The following TPST1 variants were observed in gnomAD, a reference collection of about 807,000 sequenced individuals.
TPST1 encodes protein-tyrosine sulfotransferase 1.
TPST1 carries 20 observed loss-of-function variants against 34.8 expected under a neutral mutation model. That is an observed-to-expected ratio of 0.57 (90% CI 0.40 to 0.84). The LOEUF is 0.84. Among genes scored for constraint, TPST1 ranks in the 40% least tolerant of loss-of-function variants. The pLI is 0.00. For synonymous variants in TPST1, 152 were observed against 159.4 expected, an observed-to-expected ratio of 0.95 and a Z score of 0.35; for missense variants, 353 against 455.5, an observed-to-expected ratio of 0.78 and a Z score of 2.05.
chr7:66,293,520 T>A (rs1192998793), intron 3 of TPST1, among the ~76,000 whole-genome samples: 1 of 152,092 alleles, frequency 6.6e-6, no homozygotes, highest in Non-Finnish European at 1.5e-5. Context: ...GAAAAAAGAA[T>A]GAAGAAAAAT....
intron 3 of TPST1, among the ~76,000 whole-genome samples, chr7:66,334,107 T>G (rs1301585996): frequency 6.6e-6 from 1 of 152,034 alleles, no homozygotes; most frequent in Non-Finnish European, 1.5e-5. Context: ...TATTACAAAT[T>G]AGGGGAAACG....
intron 2 of TPST1, among the ~76,000 whole-genome samples, chr7:66,277,807 A>G (rs1453273848): frequency 6.6e-6 from 1 of 152,140 alleles, no homozygotes; most frequent in African/African-American, 2.4e-5. Flanking sequence ...GACTGAGAAT[A>G]GACCATAGAA....
At chr7:66,242,011 C>T (rs1045988122) in intron 2 of TPST1, among the ~76,000 whole-genome samples, 1 of 152,284 alleles carries the variant, frequency 6.6e-6, no homozygotes, top group African/African-American at 2.4e-5. Context: ...CTAATCCATA[C>T]AAGAAGTTCC....
At chr7:66,350,386 T>C (rs1326550619) in intron 3 of TPST1, among the ~76,000 whole-genome samples, 2 of 152,166 alleles carry the variant, frequency 1.3e-5, no homozygotes, top group African/African-American at 2.4e-5. Context: ...GGGGAGATGA[T>C]GGTAGCTTTG....
intron 2 of TPST1, among the ~76,000 whole-genome samples, chr7:66,252,352 C>T (rs953188886): frequency 7.3e-6 from 1 of 136,366 alleles, no homozygotes; most frequent in African/African-American, 2.8e-5. Flanking sequence ...GCCACCGCGC[C>T]CAGCCTTTTT....
chr7:66,234,420 CACACACACACAG>C (rs1044499831), intron 1 of TPST1, among the ~76,000 whole-genome samples: 10 of 151,144 alleles, frequency 6.6e-5, no homozygotes, highest in East Asian at 2.0e-4. Flanking sequence ...CACACACACA[CACACACACACAG>C]ACACACACAC....
chr7:66,226,605 T>G (rs1789660992), intron 1 of TPST1, among the ~76,000 whole-genome samples: 1 of 152,220 alleles, frequency 6.6e-6, no homozygotes, highest in Admixed American at 6.5e-5. Context: ...GATCATTTAC[T>G]TGTATTCAGA....
intron 4 of TPST1, 73 bp downstream of exon 4, chr7:66,352,628 T>C: frequency 1.3e-6 from 2 of 1,571,886 alleles, no homozygotes; most frequent in South Asian, 1.2e-5. Flanking sequence ...TTTAAAGAGA[T>C]AATGAAATTA....
chr7:66,318,025 G>A (rs1791669598), intron 3 of TPST1, among the ~76,000 whole-genome samples: 1 of 152,080 alleles, frequency 6.6e-6, no homozygotes, highest in African/African-American at 2.4e-5. Flanking sequence ...CAGGCGGGGT[G>A]GCAGGCGCCT....
At chr7:66,297,180 G>A (rs527757325) in intron 3 of TPST1, among the ~76,000 whole-genome samples, 3 of 152,084 alleles carry the variant, frequency 2.0e-5, no homozygotes, top group African/African-American at 7.2e-5. Flanking sequence ...TCCACTCATA[G>A]GGCTTTCATT....
intron 3 of TPST1, among the ~76,000 whole-genome samples, chr7:66,305,293 T>C (rs909204942): frequency 2.6e-5 from 4 of 152,350 alleles, no homozygotes; most frequent in African/African-American, 9.6e-5. Context: ...CTGTCATTTC[T>C]TTCTTCCTCT....
intron 3 of TPST1, among the ~76,000 whole-genome samples, chr7:66,293,565 C>T (rs992483629): frequency 6.6e-6 from 1 of 152,100 alleles, no homozygotes; most frequent in African/African-American, 2.4e-5. Flanking sequence ...CAGCAGTCTT[C>T]CACTGCATTT....
intron 2 of TPST1, among the ~76,000 whole-genome samples, chr7:66,244,481 A>G (rs977431208): frequency 1.9e-4 from 29 of 152,160 alleles, no homozygotes; most frequent in African/African-American, 6.8e-4. Context: ...CCAGTTATTT[A>G]CAGTCAGGGT....
At chr7:66,257,945 TATA>T (rs1388510111) in intron 2 of TPST1, among the ~76,000 whole-genome samples, 2 of 152,208 alleles carry the variant, frequency 1.3e-5, no homozygotes, top group Non-Finnish European at 2.9e-5. Flanking sequence ...AAGCTACAAA[TATA>T]ATAAGCTACA....
intron 2 of TPST1, among the ~76,000 whole-genome samples, chr7:66,269,322 A>T (rs1790652573): frequency 6.6e-6 from 1 of 152,256 alleles, no homozygotes; most frequent in Admixed American, 6.5e-5. Context: ...TAGTTTTCTT[A>T]TGCATGCAGA....
chr7:66,341,599 T>TG (rs926292012), intron 3 of TPST1, among the ~76,000 whole-genome samples: 12 of 152,300 alleles, frequency 7.9e-5, no homozygotes, highest in Non-Finnish European at 1.5e-4. Context: ...AAATTATACT[T>TG]GGAGAATCCT....
chr7:66,231,048 C>T (rs1221589598), intron 1 of TPST1, among the ~76,000 whole-genome samples: 2 of 151,718 alleles, frequency 1.3e-5, no homozygotes, highest in African/African-American at 4.9e-5. Flanking sequence ...GAGCTAGATA[C>T]AGAGTGCCGA....
At chr7:66,229,379 G>A (rs528226099) in intron 1 of TPST1, among the ~76,000 whole-genome samples, 1 of 152,174 alleles carries the variant, frequency 6.6e-6, no homozygotes, top group South Asian at 2.1e-4. Flanking sequence ...CAAAATGCTG[G>A]GATTACAGGC....
intron 1 of TPST1, among the ~76,000 whole-genome samples, chr7:66,210,487 A>G (rs535110434): frequency 6.6e-6 from 1 of 152,288 alleles, no homozygotes; most frequent in South Asian, 2.1e-4. Context: ...TTAAAGAATG[A>G]GGATGGGGGA....
Sources: gnomAD v4.1 joint callset for allele counts (sites outside exome capture counted in the v4.1 genomes callset) on GRCh38, gnomAD v4.1.1 for gene constraint, MANE v1.5 for transcripts, NCBI Gene and HGNC (gene_info 2026-07-23, HGNC 2026-07-21) for gene names.